Variants in TXNL1 observed in about 807,000 individuals in gnomAD.
TXNL1 encodes the protein thioredoxin-like protein 1.
Under a neutral mutation model 35.5 loss-of-function variants are expected in TXNL1, and 14 were observed. The observed-to-expected ratio is 0.39, with a 90% CI of 0.26 to 0.62. The LOEUF is 0.62. Ranked by LOEUF, TXNL1 falls within the 20% of genes least tolerant of loss-of-function variation. The pLI is 0.47. For synonymous variants in TXNL1, 110 were observed against 115.5 expected (o/e 0.95, Z 0.31); for missense variants, 263 against 349.7 (o/e 0.75, Z 1.98).
At chr18:56,628,892 A>C (rs933481406) in intron 1 of TXNL1, among the ~76,000 whole-genome samples, 14 of 152,242 alleles carry the variant, frequency 9.2e-5, no homozygotes, top group Non-Finnish European at 7.3e-5. Flanking sequence ...CCACATTCTT[A>C]ACATTTCAAT....
intron 1 of TXNL1, among the ~76,000 whole-genome samples, chr18:56,631,310 T>C (rs1466504670): frequency 6.6e-6 from 1 of 152,192 alleles, no homozygotes; most frequent in East Asian, 1.9e-4. Context: ...CTCCAAGGAC[T>C]TTTCCCAGCT....
intron 3 of TXNL1, among the ~76,000 whole-genome samples, chr18:56,622,501 C>A (rs1418913356): frequency 1.3e-5 from 2 of 152,106 alleles, no homozygotes; most frequent in Non-Finnish European, 2.9e-5. Context: ...CCCTGTGAGA[C>A]CTAAATAGTT....
At chr18:56,636,744 T>C (rs1423044827) in intron 1 of TXNL1, among the ~76,000 whole-genome samples, 1 of 152,166 alleles carries the variant, frequency 6.6e-6, no homozygotes, top group Non-Finnish European at 1.5e-5. Context: ...TATTTTATTA[T>C]CTCTCCCACT....
Position 56,602,768 on chromosome 18 carries a change from T to G in TXNL1, c.*259A>C. ...TTAAGTCTCTACTAAAATCAGAAGT[T>G]AACCAGTTTTCAAATACATGGAAAG... is the stretch of plus-strand genomic sequence containing the variant. On this transcript the variant is annotated 3_prime_UTR_variant, in exon 8 of 8. Transcript: ENST00000217515. The G allele has an allele frequency of 1.8e-6, 1 of 555,094 alleles. No individual in the cohort carries two copies. Among genetic ancestry groups the G allele is most frequent in the South Asian group, 2.3e-5 (1 of 43,254 alleles). The allele number at this position is 555,094 out of a possible 1,614,324, so 34.4% of individuals were successfully genotyped here. A position where few individuals can be genotyped will look rare whatever the true frequency, so the allele number is the denominator to read the frequency against.
chr18:56,616,178 T>C (rs2024083849), intron 5 of TXNL1, 67 bp downstream of exon 5: 2 of 1,420,598 alleles, frequency 1.4e-6, no homozygotes, highest in Non-Finnish European at 1.9e-6. Context: ...TAATAAAAAG[T>C]TTTAATTTTA....
intron 2 of TXNL1, among the ~76,000 whole-genome samples, chr18:56,625,561 T>C (rs1488720464): frequency 6.6e-6 from 1 of 152,194 alleles, no homozygotes; most frequent in Non-Finnish European, 1.5e-5. Context: ...AAAAGCATTT[T>C]CATTCTAGAA....
chr18:56,637,966 A>G (rs764219562), intron 1 of TXNL1, among the ~76,000 whole-genome samples: 2 of 152,162 alleles, frequency 1.3e-5, no homozygotes, highest in Non-Finnish European at 2.9e-5. Context: ...AGCTCTGGAG[A>G]TGCAAATGAC....
At chr18:56,627,973 TCAAA>T (rs2024313632) in intron 1 of TXNL1, among the ~76,000 whole-genome samples, 1 of 151,570 alleles carries the variant, frequency 6.6e-6, no homozygotes. Context: ...GCAAAACATA[TCAAA>T]CAAAGGACTT....
intron 3 of TXNL1, among the ~76,000 whole-genome samples, chr18:56,619,810 T>C (rs571166700): frequency 6.6e-6 from 1 of 152,272 alleles, no homozygotes; most frequent in African/African-American, 2.4e-5. Flanking sequence ...TTTTACTGAA[T>C]GCTTTAGGAA....
In TXNL1 at chr18:56,601,902, T is replaced by C. The variant is rs930184990; in HGVS notation, c.*1125A>G. 2 of 152,278 alleles carry C rather than the reference T, an allele frequency of 1.3e-5. No individual in the cohort carries two copies. Among genetic ancestry groups the C allele is most frequent in the African/African-American group, 4.8e-5 (2 of 41,472 alleles). The allele number at this position is 152,278 out of a possible 1,614,324, so 9.4% of individuals were successfully genotyped here. A position where few individuals can be genotyped will look rare whatever the true frequency, so the allele number is the denominator to read the frequency against. The stretch of plus-strand genomic sequence containing the variant: ...TACCAGCCTTTTGTGAAAGACCTTT[T>C]AAACATTTCTATTTGAGCACCTCAT... On this transcript the variant is annotated 3_prime_UTR_variant, in exon 8 of 8. Transcript: ENST00000217515.
At chr18:56,633,081 G>C (rs1266694346) in intron 1 of TXNL1, among the ~76,000 whole-genome samples, 1 of 151,952 alleles carries the variant, frequency 6.6e-6, no homozygotes, top group South Asian at 2.1e-4. Flanking sequence ...AAACTACAAA[G>C]GCAGATCTGC....
chr18:56,617,546 G>T (rs950836953), intron 4 of TXNL1, among the ~76,000 whole-genome samples: 21 of 152,344 alleles, frequency 1.4e-4, no homozygotes, highest in African/African-American at 4.1e-4. Flanking sequence ...GATCAAGGTG[G>T]TAACACCCAA....
rs566885589 is a variant in TXNL1 at position 56,618,690 on chromosome 18, G to GA, written c.370-565dup. Reference sequence around the variant, plus strand: ...TCCTAACTCTCCTCCTGATTAGTTTGAAAAAAAAAAAAGCATCTTTTCATT... The same window carrying GA: ...TCCTAACTCTCCTCCTGATTAGTTTGAAAAAAAAAAAAAGCATCTTTTCATT... On this transcript the variant is annotated intron_variant, in intron 3 of 7. Transcript: ENST00000217515. 6.1e-3 allele frequency among the ~76,000 whole-genome samples: 821 copies of GA among 134,084 alleles called. 5 individuals are homozygous for GA. The highest frequency in any genetic ancestry group is 6.9e-3 in the African/African-American group (249 of 36,300). The allele number at this position is 134,084 out of a possible 152,430, so 88.0% of individuals were successfully genotyped here. A position where few individuals can be genotyped will look rare whatever the true frequency, so the allele number is the denominator to read the frequency against.
chr18:56,625,650 G>C (rs1431344779), intron 2 of TXNL1, among the ~76,000 whole-genome samples: 1 of 152,102 alleles, frequency 6.6e-6, no homozygotes, highest in African/African-American at 2.4e-5. Context: ...GTGTAATGTA[G>C]GGTTTTCAAC....
At chr18:56,611,691 C>G (rs1460085777) in intron 6 of TXNL1, among the ~76,000 whole-genome samples, 2 of 151,566 alleles carry the variant, frequency 1.3e-5, no homozygotes, top group Admixed American at 6.6e-5. Flanking sequence ...CAATTAAATT[C>G]TCTCTCTATA....
chr18:56,600,210 T>A lies in TXNL1; in HGVS notation c.*2817A>T, dbSNP rs988335084. On this transcript the variant is annotated 3_prime_UTR_variant, in exon 8 of 8. Coordinates refer to ENST00000217515, the MANE Select transcript of TXNL1 (RefSeq NM_004786.3). ...GGCCAAATAAACAACTGCATTCCTA[T>A]AATCGCTGCCAAAAACACTGCATAC... 6.6e-6 allele frequency: 1 copy of A among 152,290 alleles called. No homozygotes were observed. The highest frequency in any genetic ancestry group is 2.4e-5 in the African/African-American group (1 of 41,466). 9.4% of individuals were successfully genotyped at this position (152,290 alleles called of 1,614,324 possible).
At position 56,618,114 on chromosome 18, in the gene TXNL1, G is replaced by A; in HGVS notation, c.382C>T (p.Pro128Ser). 2.5e-6 allele frequency: 4 copies of A among 1,612,290 alleles called. No individual in the cohort carries two copies. The highest frequency in any genetic ancestry group is 1.3e-5 in the African/African-American group (1 of 74,914). ...DIPKGYMDLM[P>S]FINKAGCECL... is the part of the protein sequence containing the mutation. ...TCACAACCAGCTTTGTTAATAAAAGGCATTAAATCCATCTGAAAAAAAATT... is the reference window on the plus strand; with the variant it reads ...TCACAACCAGCTTTGTTAATAAAAGACATTAAATCCATCTGAAAAAAAATT... The change falls in exon 4 of 8, where the codon CCT becomes TCT. Residue 128 changes from proline to serine, a missense_variant. Pro to Ser is a moderately conservative substitution (Grantham distance 74). Transcript: ENST00000217515.
At chr18:56,615,932 A>G (rs1598915915) in intron 5 of TXNL1, among the ~76,000 whole-genome samples, 1 of 151,942 alleles carries the variant, frequency 6.6e-6, no homozygotes, top group African/African-American at 2.4e-5. Flanking sequence ...GAGTTCAAGA[A>G]CAGCCTGGCC....
chr18:56,631,596 G>A (rs921467131), intron 1 of TXNL1, among the ~76,000 whole-genome samples: 3 of 152,142 alleles, frequency 2.0e-5, no homozygotes, highest in South Asian at 4.1e-4. Context: ...AAAGAATACA[G>A]TAAACCGCTA....
Sources: gnomAD v4.1 joint callset for allele counts (sites outside exome capture counted in the v4.1 genomes callset) on GRCh38, gnomAD v4.1.1 for gene constraint, MANE v1.5 for transcripts, NCBI Gene and HGNC (gene_info 2026-07-23, HGNC 2026-07-21) for gene names.